Variants in DPYD observed in about 807,000 individuals in gnomAD.
The protein encoded by DPYD is dihydropyrimidine dehydrogenase.
Under a neutral mutation model 116.2 loss-of-function variants are expected in DPYD, and 109 were observed. The ratio of observed to expected loss-of-function variants is 0.94; its 90% CI spans 0.80 to 1.10. The LOEUF (loss-of-function observed/expected upper bound fraction) is 1.10, where lower values mean the gene tolerates loss of function less well. DPYD is among the 50% of genes least tolerant of loss of function. DPYD has a pLI of 0.00. For missense variants in DPYD, 1,302 were observed against 1,254.5 expected (o/e 1.04, Z -0.57); for synonymous variants, 440 against 432.0 (o/e 1.02, Z -0.23).
chr1:97,447,742 T>A (rs1265633288), intron 14 of DPYD, among the ~76,000 whole-genome samples: 5 of 152,106 alleles, frequency 3.3e-5, no homozygotes, highest in African/African-American at 9.7e-5. Context: ...CTTACTGTCA[T>A]TTCTTGGTGG....
At chr1:97,604,640 T>C (rs936405437) in intron 8 of DPYD, among the ~76,000 whole-genome samples, 1 of 152,146 alleles carries the variant, frequency 6.6e-6, no homozygotes, top group African/African-American at 2.4e-5. Flanking sequence ...TTTTCATGCA[T>C]AAATATACTT....
At chr1:97,733,940 C>T (rs2101054477) in intron 4 of DPYD, among the ~76,000 whole-genome samples, 1 of 151,924 alleles carries the variant, frequency 6.6e-6, no homozygotes, top group East Asian at 1.9e-4. Context: ...ACTTATATGA[C>T]TTCTATAATA....
chr1:97,518,234 T>C (rs1265112706), intron 12 of DPYD, among the ~76,000 whole-genome samples: 3 of 151,882 alleles, frequency 2.0e-5, no homozygotes, highest in Non-Finnish European at 4.4e-5. Flanking sequence ...GAAATACAGC[T>C]TCTTATATAT....
chr1:97,890,583 G>A (rs1205099998), intron 1 of DPYD, among the ~76,000 whole-genome samples: 1 of 151,838 alleles, frequency 6.6e-6, no homozygotes, highest in Non-Finnish European at 1.5e-5. Context: ...GTAATCTCAT[G>A]CTTATAGAAA....
chr1:97,875,518 T>C (rs1482810093), intron 2 of DPYD, among the ~76,000 whole-genome samples: 3 of 152,046 alleles, frequency 2.0e-5, no homozygotes, highest in Non-Finnish European at 2.9e-5. Flanking sequence ...AGCAGCCAGT[T>C]ATTATTTTAA....
intron 1 of DPYD, among the ~76,000 whole-genome samples, chr1:97,896,245 C>G (rs530966918): frequency 5.9e-5 from 9 of 151,772 alleles, no homozygotes; most frequent in Non-Finnish European, 1.5e-5. Flanking sequence ...ATATAAAGCT[C>G]ACATAAATGG....
At chr1:97,597,049 T>A (rs1654935887) in intron 8 of DPYD, among the ~76,000 whole-genome samples, 1 of 152,186 alleles carries the variant, frequency 6.6e-6, no homozygotes, top group African/African-American at 2.4e-5. Flanking sequence ...GTGATTCTTT[T>A]AGAAAACCTG....
chr1:97,675,292 C>T (rs1184244145), intron 8 of DPYD, among the ~76,000 whole-genome samples: 2 of 152,172 alleles, frequency 1.3e-5, no homozygotes, highest in Admixed American at 1.3e-4. Context: ...CAGTAACATG[C>T]TGTCCAGGTG....
chr1:97,827,967 G>C lies in DPYD; in HGVS notation c.233+147C>G, dbSNP rs1317291148. The C allele has an allele frequency of 4.0e-5, 30 of 751,270 alleles. No homozygotes were observed. In the South Asian group the frequency reaches 4.5e-4, roughly 11 times the overall value. The allele number at this position is 751,270 out of a possible 1,614,324, so 46.5% of individuals were successfully genotyped here. Reference sequence around the variant, plus strand: ...TATGCAGCTTCAAAACCAAAGTACAGCCTCAAGGGAAGTCTCTCCACTGAC... The same window carrying C: ...TATGCAGCTTCAAAACCAAAGTACACCCTCAAGGGAAGTCTCTCCACTGAC... On this transcript the variant is annotated intron_variant, in intron 3 of 22. Coordinates refer to ENST00000370192, the MANE Select transcript of DPYD (RefSeq NM_000110.4).
At chr1:97,798,885 A>T (rs1470127278) in intron 3 of DPYD, among the ~76,000 whole-genome samples, 1 of 152,122 alleles carries the variant, frequency 6.6e-6, no homozygotes, top group East Asian at 1.9e-4. Context: ...TAAAGGTGGT[A>T]TTGAAAAAAG....
At chr1:97,764,312 G>T (rs4360558) in intron 3 of DPYD, among the ~76,000 whole-genome samples, 148,146 of 152,138 alleles carry the variant, frequency 0.97, 72,270 homozygotes, top group Middle Eastern at 1. Flanking sequence ...TATAGTATAA[G>T]GTAAAATGAC....
At chr1:97,327,020 C>G (rs1558033349) in intron 16 of DPYD, among the ~76,000 whole-genome samples, 1 of 151,896 alleles carries the variant, frequency 6.6e-6, no homozygotes, top group African/African-American at 2.4e-5. Flanking sequence ...TAAACAACAT[C>G]CTGAATTCTT....
chr1:97,254,911 G>T (rs766340412), intron 18 of DPYD, among the ~76,000 whole-genome samples: 1 of 152,128 alleles, frequency 6.6e-6, no homozygotes, highest in Admixed American at 6.6e-5. Flanking sequence ...TTTGATGCTA[G>T]AGCTTTGGTA....
intron 14 of DPYD, among the ~76,000 whole-genome samples, chr1:97,418,960 G>T (rs568428381): frequency 6.6e-5 from 10 of 152,150 alleles, no homozygotes; most frequent in Non-Finnish European, 1.3e-4. Context: ...TGGCAGCAGG[G>T]ATTCTAAGAA....
chr1:97,446,305 T>C (rs1452435516), intron 14 of DPYD, among the ~76,000 whole-genome samples: 1 of 152,154 alleles, frequency 6.6e-6, no homozygotes, highest in Non-Finnish European at 1.5e-5. Context: ...TTTTATGCCT[T>C]CAAAAATATT....
chr1:97,546,933 A>G, intron 12 of DPYD: 6 of 1,607,234 alleles, frequency 3.7e-6, no homozygotes, highest in Non-Finnish European at 5.1e-6. Context: ...GCTTTGAGGA[A>G]GAAGAGGAGG....
intron 13 of DPYD, among the ~76,000 whole-genome samples, chr1:97,453,209 T>A (rs1348075862): frequency 1.3e-5 from 2 of 152,118 alleles, no homozygotes; most frequent in African/African-American, 4.8e-5. Flanking sequence ...CCTTCCTGGT[T>A]GCTAGTTCTT....
At chr1:97,364,125 C>T (rs759400967) in intron 16 of DPYD, among the ~76,000 whole-genome samples, 3 of 151,972 alleles carry the variant, frequency 2.0e-5, no homozygotes, top group Non-Finnish European at 4.4e-5. Context: ...TTCCATGTTA[C>T]CCAAAACACA....
At chr1:97,507,136 T>C (rs1324317236) in intron 13 of DPYD, among the ~76,000 whole-genome samples, 9 of 152,032 alleles carry the variant, frequency 5.9e-5, no homozygotes, top group Admixed American at 5.9e-4. Flanking sequence ...ATGTGAACTG[T>C]AGCCATTTAA....
Sources: gnomAD v4.1 joint callset for allele counts (sites outside exome capture counted in the v4.1 genomes callset) on GRCh38, gnomAD v4.1.1 for gene constraint, MANE v1.5 for transcripts, NCBI Gene and HGNC (gene_info 2026-07-23, HGNC 2026-07-21) for gene names.